MCTP1: variants seen among roughly 807,000 people sequenced by gnomAD.
MCTP1 encodes multiple C2 and transmembrane domain containing 1.
A neutral mutation model predicts 120.6 loss-of-function variants in MCTP1; 69 were observed. That is an observed-to-expected ratio of 0.57 (90% CI 0.47 to 0.70). The LOEUF (loss-of-function observed/expected upper bound fraction) is 0.70, where lower values mean the gene tolerates loss of function less well. Ranked by LOEUF, MCTP1 falls within the 30% of genes least tolerant of loss-of-function variation. MCTP1 has a pLI of 0.00. For synonymous variants in MCTP1, 529 were observed against 493.1 expected, an observed-to-expected ratio of 1.07 and a Z score of -0.96; for missense variants, 1,203 against 1,248.8, an observed-to-expected ratio of 0.96 and a Z score of 0.55.
intron 18 of MCTP1, among the ~76,000 whole-genome samples, chr5:94,796,580 T>TACAC (rs535395569): frequency 5.8e-5 from 8 of 138,278 alleles, no homozygotes; most frequent in African/African-American, 1.9e-4. Context: ...TGTATCCACA[T>TACAC]ACACACACAC....
At chr5:95,085,406 T>TA (rs1755352683) in intron 1 of MCTP1, among the ~76,000 whole-genome samples, 1 of 150,968 alleles carries the variant, frequency 6.6e-6, no homozygotes, top group African/African-American at 2.4e-5. Flanking sequence ...TCCTTTAAAT[T>TA]TTTTTTTTTT....
At chr5:94,780,642 G>A (rs572502160) in intron 18 of MCTP1, among the ~76,000 whole-genome samples, 6 of 152,048 alleles carry the variant, frequency 3.9e-5, no homozygotes, top group Non-Finnish European at 5.9e-5. Context: ...CACTTACTTC[G>A]GAGACATATA....
chr5:94,806,024 C>T (rs952217852), intron 17 of MCTP1, among the ~76,000 whole-genome samples: 4 of 151,778 alleles, frequency 2.6e-5, no homozygotes, highest in South Asian at 2.1e-4. Context: ...AAATGGAATG[C>T]CACTTCTTAG....
chr5:95,214,398 C>A (rs1475972679), intron 1 of MCTP1, among the ~76,000 whole-genome samples: 5 of 151,930 alleles, frequency 3.3e-5, no homozygotes, highest in African/African-American at 1.2e-4. Context: ...GAAATAGGAA[C>A]ACTTTTACAC....
At chr5:95,215,211 T>G (rs1291212975) in intron 1 of MCTP1, among the ~76,000 whole-genome samples, 1 of 152,206 alleles carries the variant, frequency 6.6e-6, no homozygotes. Context: ...AAAACCCATT[T>G]TCAAGTCTCA....
intron 19 of MCTP1, among the ~76,000 whole-genome samples, chr5:94,738,155 A>AAC (rs1764692356): frequency 6.6e-6 from 1 of 152,210 alleles, no homozygotes; most frequent in South Asian, 2.1e-4. Context: ...CAGAAGCTTT[A>AAC]TGGATAACCC....
chr5:94,953,772 C>T (rs987410206), intron 2 of MCTP1, among the ~76,000 whole-genome samples: 9 of 139,198 alleles, frequency 6.5e-5, no homozygotes, highest in Non-Finnish European at 1.4e-4. Context: ...ATATCAAATG[C>T]CATGATATAT....
intron 19 of MCTP1, among the ~76,000 whole-genome samples, chr5:94,760,008 G>A (rs1181794815): frequency 7.9e-6 from 1 of 126,860 alleles, no homozygotes; most frequent in Non-Finnish European, 1.6e-5. Context: ...AAATAATCCA[G>A]TTACATTCTC....
Position 94,845,009 on chromosome 5 carries a change from A to C in MCTP1, c.2436+23324T>G, listed in dbSNP as rs568150615. On this transcript the variant is annotated intron_variant, in intron 17 of 22. Transcript: ENST00000515393. Reference sequence around the variant, plus strand: ...TTAAACTAAAGAGCTTCTGCACAACAAAACAAACTATCAACAGAATAAACA... The same window carrying C: ...TTAAACTAAAGAGCTTCTGCACAACCAAACAAACTATCAACAGAATAAACA... Among the ~76,000 whole-genome samples the C allele has an allele frequency of 3.9e-5, 6 of 152,338 alleles. No individual in the cohort carries two copies. In the South Asian group the frequency reaches 1.0e-3, roughly 26 times the overall value.
chr5:95,177,490 G>A (rs992158289), intron 1 of MCTP1, among the ~76,000 whole-genome samples: 11 of 152,046 alleles, frequency 7.2e-5, no homozygotes, highest in Admixed American at 3.3e-4. Flanking sequence ...AGAGAATCAC[G>A]GTTATCTGGA....
chr5:95,116,432 G>A (rs1451202480), intron 1 of MCTP1, among the ~76,000 whole-genome samples: 2 of 152,134 alleles, frequency 1.3e-5, no homozygotes, highest in Non-Finnish European at 2.9e-5. Flanking sequence ...TCTGGTTACT[G>A]CAGTCTTGTG....
At chr5:95,059,454 A>G (rs1007163783) in intron 1 of MCTP1, among the ~76,000 whole-genome samples, 3 of 152,048 alleles carry the variant, frequency 2.0e-5, no homozygotes, top group Admixed American at 1.3e-4. Context: ...AAAACTAACT[A>G]TTGGATATTA....
At chr5:95,280,968 C>A (rs532145439) in intron 1 of MCTP1, among the ~76,000 whole-genome samples, 1 of 152,110 alleles carries the variant, frequency 6.6e-6, no homozygotes, top group East Asian at 1.9e-4. Flanking sequence ...GAGGTGGAGA[C>A]GTGGAGAGTG....
intron 2 of MCTP1, among the ~76,000 whole-genome samples, chr5:94,960,145 A>T (rs1823766880): frequency 6.6e-6 from 1 of 152,194 alleles, no homozygotes; most frequent in Non-Finnish European, 1.5e-5. Context: ...TCCTTGAGAA[A>T]CCTGACAAAA....
At chr5:94,822,539 T>G (rs376835550) in intron 17 of MCTP1, among the ~76,000 whole-genome samples, 4 of 152,204 alleles carry the variant, frequency 2.6e-5, no homozygotes, top group Admixed American at 2.0e-4. Flanking sequence ...TGTGTTTTTA[T>G]AGTAGAATGA....
intron 2 of MCTP1, among the ~76,000 whole-genome samples, chr5:94,963,355 T>TTTA (rs71615138): frequency 0.059 from 4,466 of 75,938 alleles, 213 homozygotes; most frequent in African/African-American, 0.2. Context: ...TGTAATTCTA[T>TTTA]TTTTTTTTTT....
chr5:94,889,097 C>G (rs968726421), intron 11 of MCTP1, 125 bp from the exon 12 acceptor site: 29 of 587,938 alleles, frequency 4.9e-5, no homozygotes, highest in Admixed American at 3.6e-4. Flanking sequence ...CAACATTAAA[C>G]TAACTAATTT....
At chr5:94,870,008 C>T (rs935512070) in intron 16 of MCTP1, among the ~76,000 whole-genome samples, 3 of 152,092 alleles carry the variant, frequency 2.0e-5, no homozygotes, top group Non-Finnish European at 2.9e-5. Flanking sequence ...GCTTTACACA[C>T]ACCTGCATCA....
At chr5:95,189,576 C>CA (rs1749610756) in intron 1 of MCTP1, among the ~76,000 whole-genome samples, 1 of 151,924 alleles carries the variant, frequency 6.6e-6, no homozygotes, top group Non-Finnish European at 1.5e-5. Context: ...TGATCCTGGT[C>CA]AGATGGCCTT....
Sources: gnomAD v4.1 joint callset for allele counts (sites outside exome capture counted in the v4.1 genomes callset) on GRCh38, gnomAD v4.1.1 for gene constraint, MANE v1.5 for transcripts, NCBI Gene and HGNC (gene_info 2026-07-23, HGNC 2026-07-21) for gene names.